Variants in KCNIP4 observed in about 807,000 individuals in gnomAD.
KCNIP4 encodes the protein Kv channel-interacting protein 4.
A neutral mutation model predicts 34.0 loss-of-function variants in KCNIP4; 12 were observed. That is an observed-to-expected ratio of 0.35 (90% CI 0.23 to 0.57). The LOEUF is 0.57. Among genes scored for constraint, KCNIP4 ranks in the 20% least tolerant of loss-of-function variants. The pLI, the probability that KCNIP4 is intolerant of heterozygous loss-of-function variation, is 0.83. For synonymous variants in KCNIP4, 124 were observed against 102.2 expected (o/e 1.21, Z -1.29); for missense variants, 238 against 311.7 (o/e 0.76, Z 1.78).
At position 20,732,714 on chromosome 4, in the gene KCNIP4, A is replaced by T. The variant is rs1304921701; in HGVS notation, c.609T>A (p.Asp203Glu). Reference sequence around the variant, plus strand: ...ATGTTTCAACGTGTTGTCTGGGAGCATCTTCTTTGAGGACAGGATATGTAC... The same window carrying T: ...ATGTTTCAACGTGTTGTCTGGGAGCTTCTTCTTTGAGGACAGGATATGTAC... ...GKCTYPVLKEDAPRQHVETFF... is the reference protein window; with the variant it reads ...GKCTYPVLKEEAPRQHVETFF... The change falls in exon 7 of 9, where the codon GAT (aspartate) becomes GAA (glutamate). Residue 203 changes from aspartate (D) to glutamate (E), a missense_variant. Coordinates refer to ENST00000382152, the MANE Select transcript of KCNIP4 (RefSeq NM_025221.6). 6.2e-7 allele frequency: 1 copy of T among 1,612,574 alleles called. No homozygotes were observed. The highest frequency in any genetic ancestry group is 1.3e-5 in the African/African-American group (1 of 75,010).
At chr4:21,718,519 T>G (rs1714562321) in intron 1 of KCNIP4, 1 of 152,098 alleles carries the variant, frequency 6.6e-6, no homozygotes, top group South Asian at 2.1e-4. Context: ...GTTACTTAGG[T>G]AAATAAATGT....
intron 3 of KCNIP4, among the ~76,000 whole-genome samples, chr4:20,806,162 T>C (rs1715059545): frequency 6.6e-6 from 1 of 152,120 alleles, no homozygotes; most frequent in African/African-American, 2.4e-5. Context: ...TGAGTTTCTT[T>C]ATTGTCACTT....
At chr4:21,037,967 T>G (rs1014586755) in intron 1 of KCNIP4, among the ~76,000 whole-genome samples, 5 of 534 alleles carry the variant, frequency 9.4e-3, no homozygotes, top group East Asian at 0.17. Context: ...TGCTGGGGGT[T>G]TTTTTTTGTT....
At chr4:21,919,843 T>G (rs1215063973) in intron 1 of KCNIP4, among the ~76,000 whole-genome samples, 1 of 152,166 alleles carries the variant, frequency 6.6e-6, no homozygotes, top group East Asian at 1.9e-4. Flanking sequence ...GATAAAAAAC[T>G]CACATGCTGC....
chr4:21,924,390 C>T (rs1256240033), intron 1 of KCNIP4, among the ~76,000 whole-genome samples: 2 of 151,692 alleles, frequency 1.3e-5, no homozygotes, highest in Non-Finnish European at 2.9e-5. Context: ...ACTACAGGTG[C>T]CCACCACCAC....
chr4:21,670,694 C>G (rs1429795943), intron 1 of KCNIP4, among the ~76,000 whole-genome samples: 1 of 152,044 alleles, frequency 6.6e-6, no homozygotes, highest in Non-Finnish European at 1.5e-5. Context: ...CTTGCTCTGT[C>G]GCCCAGGCTG....
chr4:21,431,446 C>T (rs1405861696), intron 1 of KCNIP4, among the ~76,000 whole-genome samples: 1 of 152,038 alleles, frequency 6.6e-6, no homozygotes, highest in Non-Finnish European at 1.5e-5. Flanking sequence ...GACGTCGACC[C>T]TTCCGAGGCT....
At chr4:20,771,133 A>T (rs1161068338) in intron 3 of KCNIP4, among the ~76,000 whole-genome samples, 1 of 152,104 alleles carries the variant, frequency 6.6e-6, no homozygotes, top group East Asian at 1.9e-4. Flanking sequence ...TCCATGGGGG[A>T]GGGTTCTGAA....
chr4:20,889,306 T>C (rs1725661579), intron 1 of KCNIP4, among the ~76,000 whole-genome samples: 1 of 152,186 alleles, frequency 6.6e-6, no homozygotes, highest in Non-Finnish European at 1.5e-5. Context: ...ATGGTTTCTA[T>C]AAACAAGGGA....
intron 1 of KCNIP4, among the ~76,000 whole-genome samples, chr4:21,451,859 A>G (rs1014202327): frequency 2.0e-5 from 3 of 152,152 alleles, no homozygotes; most frequent in African/African-American, 7.2e-5. Context: ...CCCAAAGTCA[A>G]GTTAGGATTT....
intron 3 of KCNIP4, among the ~76,000 whole-genome samples, chr4:20,774,911 C>G (rs746043013): frequency 6.6e-6 from 1 of 152,278 alleles, no homozygotes; most frequent in Non-Finnish European, 1.5e-5. Context: ...GTATCATATA[C>G]CTGTTTTTCA....
chr4:21,422,391 G>C (rs1560389749), intron 1 of KCNIP4, among the ~76,000 whole-genome samples: 2 of 151,886 alleles, frequency 1.3e-5, no homozygotes, highest in Non-Finnish European at 2.9e-5. Flanking sequence ...AGTAGAGATG[G>C]GGTTTCACCA....
At chr4:20,800,853 A>C (rs1714137489) in intron 3 of KCNIP4, among the ~76,000 whole-genome samples, 1 of 152,210 alleles carries the variant, frequency 6.6e-6, no homozygotes, top group Admixed American at 6.5e-5. Flanking sequence ...TAAAAAAGGG[A>C]CAAAAATGCT....
chr4:21,743,212 T>A (rs918515654), intron 1 of KCNIP4, among the ~76,000 whole-genome samples: 1 of 152,124 alleles, frequency 6.6e-6, no homozygotes, highest in African/African-American at 2.4e-5. Context: ...TCGGTCTAAT[T>A]GGGATAAAAT....
intron 1 of KCNIP4, among the ~76,000 whole-genome samples, chr4:21,323,699 A>G (rs1714736515): frequency 6.6e-6 from 1 of 152,042 alleles, no homozygotes; most frequent in Non-Finnish European, 1.5e-5. Context: ...TATCTTGGAT[A>G]TTGTGAATAG....
chr4:21,752,873 T>C lies in KCNIP4; in HGVS notation c.61+195698A>G, dbSNP rs140285846. On this transcript the variant is annotated intron_variant, in intron 1 of 8. Coordinates refer to ENST00000382152, the MANE Select transcript of KCNIP4 (RefSeq NM_025221.6). ...TTTTATCTCTTGCTGAGAAAAGAAA[T>C]TTTTCATTGAGCTATCACATGCACA... Among the ~76,000 whole-genome samples, 1,334 of 152,284 alleles carry C rather than the reference T, an allele frequency of 8.8e-3. 19 individuals carry two copies. The highest frequency in any genetic ancestry group is 0.039 in the South Asian group (188 of 4,826).
intron 1 of KCNIP4, among the ~76,000 whole-genome samples, chr4:21,711,346 C>A (rs1281839866): frequency 6.6e-6 from 1 of 152,080 alleles, no homozygotes; most frequent in East Asian, 1.9e-4. Flanking sequence ...GTGACATGCA[C>A]CTATAGTCCC....
intron 1 of KCNIP4, among the ~76,000 whole-genome samples, chr4:21,827,677 AATAAG>A (rs955423720): frequency 1.3e-5 from 2 of 152,024 alleles, no homozygotes; most frequent in African/African-American, 4.8e-5. Flanking sequence ...TGCCACAAAA[AATAAG>A]ATAACAAGCA....
intron 1 of KCNIP4, among the ~76,000 whole-genome samples, chr4:21,762,578 C>A (rs548646240): frequency 6.6e-6 from 1 of 152,030 alleles, no homozygotes; most frequent in African/African-American, 2.4e-5. Flanking sequence ...GTTAGTTAGA[C>A]GAATCTCAGG....
Sources: allele counts gnomAD v4.1 joint callset (sites outside exome capture counted in the v4.1 genomes callset), GRCh38; gene constraint gnomAD v4.1.1; transcripts MANE v1.5; gene names NCBI Gene and HGNC (gene_info 2026-07-23, HGNC 2026-07-21).